Variants in MGAM2 observed in about 807,000 individuals in gnomAD.
MGAM2 encodes the protein maltase-glucoamylase 2 (putative).
In MGAM2, 98 loss-of-function variants were observed where a neutral mutation model predicts 96.1. That is an observed-to-expected ratio of 1.02 (90% CI 0.87 to 1.21). The LOEUF (loss-of-function observed/expected upper bound fraction) is 1.21, where lower values mean the gene tolerates loss of function less well. MGAM2 is among the 50% of genes most tolerant of loss of function. MGAM2 has a pLI of 0.00. For missense variants in MGAM2, 2,055 were observed against 1,182.4 expected, an observed-to-expected ratio of 1.74 and a Z score of -10.82; for synonymous variants, 749 against 414.8, an observed-to-expected ratio of 1.81 and a Z score of -9.79.
At chr7:142,137,613 A>C (rs2129079436) in intron 9 of MGAM2, 68 bp downstream of exon 9, 1 of 551,164 alleles carries the variant, frequency 1.8e-6, no homozygotes, top group East Asian at 3.1e-5. Flanking sequence ...TAAATTAATA[A>C]AAGAAAAATA....
intron 1 of MGAM2, among the ~76,000 whole-genome samples, chr7:142,114,216 G>GAAAGAAAGAAAGAA (rs1554499599): frequency 1.5e-5 from 1 of 68,038 alleles, no homozygotes; most frequent in Non-Finnish European, 2.7e-5. Flanking sequence ...GAAAGAAAGA[G>GAAAGAAAGAAAGAA]AGAAAGAAAG....
At chr7:142,204,400 A>G (rs1180248390) in intron 45 of MGAM2, among the ~76,000 whole-genome samples, 1 of 152,058 alleles carries the variant, frequency 6.6e-6, no homozygotes, top group African/African-American at 2.4e-5. Context: ...GAATTAAACA[A>G]CTTCTCTCTT....
In MGAM2 at chr7:142,161,405, G is replaced by C. The variant is rs142298076; in HGVS notation, c.2434+192G>C. 9.6e-3 allele frequency among the ~76,000 whole-genome samples: 1,465 copies of C among 152,216 alleles called. 21 individuals are homozygous for C. The highest frequency in any genetic ancestry group is 0.033 in the African/African-American group (1,382 of 41,518). On this transcript the variant is annotated intron_variant, in intron 22 of 47. Transcript: ENST00000477922. ...CAATGCATTAAAATAGACTTCAAAT[G>C]CACAAATTATGTGTTACTGACTCTA...
At chr7:142,144,675 T>A (rs564003962) in intron 13 of MGAM2, among the ~76,000 whole-genome samples, 186 bp from the exon 14 acceptor site, 22 of 152,162 alleles carry the variant, frequency 1.4e-4, no homozygotes, top group Non-Finnish European at 3.1e-4. Flanking sequence ...ATATATAACC[T>A]AATCCAATGA....
At chr7:142,160,786 G>A (rs1203017036) in intron 21 of MGAM2, among the ~76,000 whole-genome samples, 1 of 151,690 alleles carries the variant, frequency 6.6e-6, no homozygotes, top group Non-Finnish European at 1.5e-5. Context: ...TTATTATGAG[G>A]GTTAAATGAA....
chr7:142,132,354 T>G (rs1794914097), intron 6 of MGAM2, among the ~76,000 whole-genome samples: 2 of 144,372 alleles, frequency 1.4e-5, no homozygotes, highest in South Asian at 4.2e-4. Flanking sequence ...TTAATATAAT[T>G]TATATAATAT....
chr7:142,181,435 T>G (rs919812444), intron 32 of MGAM2, among the ~76,000 whole-genome samples: 3 of 152,314 alleles, frequency 2.0e-5, no homozygotes, highest in Non-Finnish European at 4.4e-5. Flanking sequence ...GGCCAGAAGA[T>G]AGCCTCTTAT....
intron 32 of MGAM2, among the ~76,000 whole-genome samples, chr7:142,180,150 G>A (rs1796495810): frequency 6.6e-6 from 1 of 152,098 alleles, no homozygotes; most frequent in Non-Finnish European, 1.5e-5. Flanking sequence ...GCATAGAAAT[G>A]TTCATAAAAA....
chr7:142,153,941 AT>A (rs2129084426), intron 15 of MGAM2, 76 bp from the exon 16 acceptor site: 1 of 498,468 alleles, frequency 2.0e-6, no homozygotes, highest in South Asian at 3.8e-5. Flanking sequence ...TAGAAAGTCC[AT>A]TGCTGCTCTT....
intron 7 of MGAM2, 46 bp downstream of exon 7, chr7:142,134,198 C>A: frequency 1.5e-6 from 1 of 681,318 alleles, no homozygotes; most frequent in Non-Finnish European, 2.7e-6. Flanking sequence ...AAGGGATACC[C>A]TCCTTCCTTT....
chr7:142,171,800 G>A (rs997543651), intron 28 of MGAM2, among the ~76,000 whole-genome samples: 17 of 151,282 alleles, frequency 1.1e-4, no homozygotes, highest in African/African-American at 3.9e-4. Flanking sequence ...CACTGTCTTT[G>A]CTCTCCAGAG....
chr7:142,205,109 TC>T (rs1241218180), intron 45 of MGAM2, among the ~76,000 whole-genome samples: 1 of 152,152 alleles, frequency 6.6e-6, no homozygotes, highest in Non-Finnish European at 1.5e-5. Context: ...GATTAGACAG[TC>T]AACACTTTGG....
chr7:142,161,111 G>T lies in MGAM2; in HGVS notation c.2346-14G>T, dbSNP rs1430548708. ...CATCTACATTCTCTGAAACTGGGAA[G>T]TACTCTTTTACAGCCGGAGGAATTC... On this transcript the variant is annotated splice_polypyrimidine_tract_variant and intron_variant, in intron 21 of 47. Transcript: ENST00000477922. The T allele has an allele frequency of 1.4e-6, 1 of 702,074 alleles. No individual in the cohort carries two copies. The highest frequency in any genetic ancestry group is 2.0e-5 in the Admixed American group (1 of 50,000). 43.5% of individuals were successfully genotyped at this position (702,074 alleles called of 1,614,324 possible). A position where few individuals can be genotyped will look rare whatever the true frequency, so the allele number is the denominator to read the frequency against.
chr7:142,203,563 GA>G (rs572521313), intron 45 of MGAM2, among the ~76,000 whole-genome samples: 231 of 152,028 alleles, frequency 1.5e-3, no homozygotes, highest in African/African-American at 3.8e-3. Flanking sequence ...GCAAAAAGAA[GA>G]AAACCAGAGG....
At chr7:142,207,911 C>G (rs926694572) in intron 45 of MGAM2, among the ~76,000 whole-genome samples, 1 of 152,068 alleles carries the variant, frequency 6.6e-6, no homozygotes, top group African/African-American at 2.4e-5. Flanking sequence ...GGCAGAAGTG[C>G]TTGGAATCTG....
chr7:142,203,699 C>T (rs1797309362), intron 45 of MGAM2, among the ~76,000 whole-genome samples: 1 of 151,990 alleles, frequency 6.6e-6, no homozygotes, highest in African/African-American at 2.4e-5. Context: ...AGCCACACAC[C>T]TACAACCATC....
Position 142,116,883 on chromosome 7 carries a change from AAGCTC to A in MGAM2, c.13_17del (p.Leu5CysfsTer51). On this transcript the variant is annotated frameshift_variant, in exon 2 of 48. Coordinates refer to ENST00000477922, the MANE Select transcript of MGAM2 (RefSeq NM_001293626.2). LOFTEE classifies it high-confidence loss of function. Reference sequence around the variant, plus strand: ...ATCTGTGTCTATCTAGATGGCGAGGAAGCTCAGTGTATTGGAAGTCCTTCTGATCA... The same window carrying A: ...ATCTGTGTCTATCTAGATGGCGAGGAAGTGTATTGGAAGTCCTTCTGATCA... The A allele has an allele frequency of 1.4e-6, 1 of 703,546 alleles. No homozygotes were observed. Among genetic ancestry groups the A allele is most frequent in the Non-Finnish European group, 2.6e-6 (1 of 385,086 alleles). 43.6% of individuals were successfully genotyped at this position (703,546 alleles called of 1,614,324 possible). A position where few individuals can be genotyped will look rare whatever the true frequency, so the allele number is the denominator to read the frequency against.
At chr7:142,134,724 A>G (rs1391623403) in intron 7 of MGAM2, among the ~76,000 whole-genome samples, 3 of 151,888 alleles carry the variant, frequency 2.0e-5, no homozygotes, top group Admixed American at 6.6e-5. Flanking sequence ...TGGGAGAAAG[A>G]CTGCTCTGGA....
In MGAM2 at chr7:142,140,136, A is replaced by G. The variant is rs1795177282; in HGVS notation, c.1087-666A>G. ...TGAGGAAGGTGGCAGATTGGGGAAA[A>G]AAAGAGCATCTGAAGCCAAAGAGCC... is the stretch of plus-strand genomic sequence containing the variant. On this transcript the variant is annotated intron_variant, in intron 10 of 47. Coordinates refer to ENST00000477922, the MANE Select transcript of MGAM2 (RefSeq NM_001293626.2). 2.0e-5 allele frequency among the ~76,000 whole-genome samples: 3 copies of G among 152,134 alleles called. No homozygotes were observed. In the South Asian group the frequency reaches 6.2e-4, roughly 32 times the overall value.
Sources: gnomAD v4.1 joint callset for allele counts (sites outside exome capture counted in the v4.1 genomes callset) on GRCh38, gnomAD v4.1.1 for gene constraint, MANE v1.5 for transcripts, NCBI Gene and HGNC (gene_info 2026-07-23, HGNC 2026-07-21) for gene names.